Variants in DNAH7 observed in about 807,000 individuals in gnomAD.
DNAH7 encodes the protein axonemal beta dynein heavy chain 7.
DNAH7 carries 397 observed loss-of-function variants against 444.6 expected under a neutral mutation model. That is an observed-to-expected ratio of 0.89 (90% CI 0.82 to 0.97). The LOEUF is 0.97. DNAH7 is among the 50% of genes least tolerant of loss of function. The pLI, the probability that DNAH7 is intolerant of heterozygous loss-of-function variation, is 0.00. For synonymous variants in DNAH7, 1,636 were observed against 1,624.4 expected, an observed-to-expected ratio of 1.01 and a Z score of -0.17; for missense variants, 4,902 against 4,800.8, an observed-to-expected ratio of 1.02 and a Z score of -0.62.
At chr2:195,904,970 T>C (rs1686925467) in intron 27 of DNAH7, 1 of 152,178 alleles carries the variant, frequency 6.6e-6, no homozygotes, top group Non-Finnish European at 1.5e-5. Flanking sequence ...CTGTAGAAGC[T>C]TGAACCAAGA....
intron 57 of DNAH7, among the ~76,000 whole-genome samples, chr2:195,789,712 C>T (rs1303711652): frequency 1.3e-5 from 2 of 151,654 alleles, no homozygotes; most frequent in Non-Finnish European, 2.9e-5. Context: ...TACAACATCA[C>T]CTATGGAATA....
At chr2:195,921,020 A>G (rs1687988040) in intron 24 of DNAH7, among the ~76,000 whole-genome samples, 1 of 152,250 alleles carries the variant, frequency 6.6e-6, no homozygotes, top group Non-Finnish European at 1.5e-5. Flanking sequence ...ATTTGATACC[A>G]CTTTATTCCT....
rs773224567 is a variant in DNAH7, at chr2:195,771,640, T to C, written c.11433+20A>G. 6.4e-7 allele frequency: 1 copy of C among 1,558,942 alleles called. No homozygotes were observed. The highest frequency in any genetic ancestry group is 8.8e-7 in the Non-Finnish European group (1 of 1,131,580). On this transcript the variant is annotated intron_variant, in intron 61 of 64. Coordinates refer to ENST00000312428, the MANE Select transcript of DNAH7 (RefSeq NM_018897.3). The stretch of plus-strand genomic sequence containing the variant: ...TATATATAATTTAATGGGGGTTTTT[T>C]TTGGTGTTTTTCACCTTACCTTGAT...
chr2:195,809,545 CAT>C (rs1180499263), intron 52 of DNAH7, among the ~76,000 whole-genome samples, 198 bp downstream of exon 52: 2 of 152,044 alleles, frequency 1.3e-5, no homozygotes, highest in South Asian at 2.1e-4. Flanking sequence ...TTAATAGTAA[CAT>C]AATGAAATCT....
chr2:195,787,259 T>C, intron 57 of DNAH7, 88 bp from the exon 58 acceptor site: 39 of 1,384,068 alleles, frequency 2.8e-5, no homozygotes, highest in Non-Finnish European at 3.8e-5. Context: ...GCAAATTTCT[T>C]TCATTTATAA....
chr2:195,845,822 T>C (rs779637981), intron 46 of DNAH7, among the ~76,000 whole-genome samples: 3 of 152,142 alleles, frequency 2.0e-5, no homozygotes, highest in Non-Finnish European at 2.9e-5. Context: ...AAGACTGAAA[T>C]TGGACCCATT....
At chr2:195,764,235 T>C (rs1694471444) in intron 61 of DNAH7, among the ~76,000 whole-genome samples, 1 of 151,898 alleles carries the variant, frequency 6.6e-6, no homozygotes, top group African/African-American at 2.4e-5. Context: ...AGAAGGAACA[T>C]ACATCAACTT....
rs1689998891 is a variant in DNAH7 at position 195,948,695 on chromosome 2, C to G, written c.3078+8566G>C. On this transcript the variant is annotated intron_variant, in intron 19 of 64. Transcript: ENST00000312428. Reference sequence around the variant, plus strand: ...CACCATGCTGTTTCGGTTACTGTAGCCTTGTAGTATAGTTTGAAGTCAGGT... The same window carrying G: ...CACCATGCTGTTTCGGTTACTGTAGGCTTGTAGTATAGTTTGAAGTCAGGT... 5.3e-5 allele frequency among the ~76,000 whole-genome samples: 8 copies of G among 152,258 alleles called. No homozygotes were observed. In the South Asian group the frequency reaches 1.5e-3, roughly 28 times the overall value.
At chr2:195,784,646 G>A (rs961749997) in intron 58 of DNAH7, among the ~76,000 whole-genome samples, 5 of 152,192 alleles carry the variant, frequency 3.3e-5, no homozygotes, top group Non-Finnish European at 7.3e-5. Flanking sequence ...ATGGTAAAAG[G>A]ATGTTTAGTT....
intron 63 of DNAH7, among the ~76,000 whole-genome samples, chr2:195,748,663 G>A (rs1181991227): frequency 6.6e-6 from 1 of 152,156 alleles, no homozygotes; most frequent in Admixed American, 6.5e-5. Context: ...ACAGAACAGA[G>A]CCCTCAGAAA....
intron 48 of DNAH7, among the ~76,000 whole-genome samples, chr2:195,833,659 T>G (rs1435277159): frequency 6.6e-6 from 1 of 152,128 alleles, no homozygotes; most frequent in Non-Finnish European, 1.5e-5. Context: ...ATAAGAGCTG[T>G]ATTGAAAAAT....
chr2:195,882,027 T>C (rs1211406652), intron 35 of DNAH7, 35 bp from the exon 36 acceptor site: 1 of 1,556,264 alleles, frequency 6.4e-7, no homozygotes. Context: ...ATGAATGCTA[T>C]AAAATACTTT....
chr2:195,886,147 C>A lies in DNAH7; in HGVS notation c.5532G>T (p.Leu1844Phe). ...AGAAGGCAACGGACCTTACCTCAAG[C>A]AAAGAGTAAGTTTCTCGATCATTTC... ...KERNDRETYSLLEGIFLFSLI... is the reference protein window; with the variant it reads ...KERNDRETYSFLEGIFLFSLI... Residue 1844 changes from leucine to phenylalanine, a missense_variant, in exon 34 of 65, where the codon TTG becomes TTT. Transcript: ENST00000312428. 1 of 1,612,630 alleles carries A rather than the reference C, an allele frequency of 6.2e-7. No homozygotes were observed.
chr2:195,862,461 T>C (rs1700077501), intron 41 of DNAH7, among the ~76,000 whole-genome samples: 1 of 152,142 alleles, frequency 6.6e-6, no homozygotes, highest in Admixed American at 6.6e-5. Flanking sequence ...GAGTGAGCTT[T>C]TCAAAATATA....
chr2:195,749,315 TAA>T (rs1210644348), intron 63 of DNAH7, among the ~76,000 whole-genome samples: 1 of 150,984 alleles, frequency 6.6e-6, no homozygotes, highest in African/African-American at 2.4e-5. Context: ...TGGCAATCAT[TAA>T]AAAGTCAGGA....
chr2:195,803,695 G>C (rs1007337871), intron 54 of DNAH7, among the ~76,000 whole-genome samples: 1 of 152,218 alleles, frequency 6.6e-6, no homozygotes, highest in Non-Finnish European at 1.5e-5. Context: ...TTTATTGCAA[G>C]TTCCTACTGG....
intron 10 of DNAH7, among the ~76,000 whole-genome samples, chr2:196,007,883 T>A (rs941989709): frequency 6.6e-6 from 1 of 152,094 alleles, no homozygotes; most frequent in African/African-American, 2.4e-5. Flanking sequence ...TGAGAACAGA[T>A]TAACACAGAT....
chr2:196,067,002 AG>A (rs1385244029), intron 1 of DNAH7, among the ~76,000 whole-genome samples: 7 of 152,248 alleles, frequency 4.6e-5, no homozygotes, highest in African/African-American at 1.7e-4. Context: ...GTTCAAAAAT[AG>A]TAAGTGGAAA....
At chr2:195,984,135 A>C (rs760861529) in intron 15 of DNAH7, among the ~76,000 whole-genome samples, 9 of 152,162 alleles carry the variant, frequency 5.9e-5, no homozygotes, top group Non-Finnish European at 1.2e-4. Context: ...ACATGAGAAC[A>C]CACCCAGATG....
Sources: allele counts gnomAD v4.1 joint callset (sites outside exome capture counted in the v4.1 genomes callset), GRCh38; gene constraint gnomAD v4.1.1; transcripts MANE v1.5; gene names NCBI Gene and HGNC (gene_info 2026-07-23, HGNC 2026-07-21).